HELLS: variants seen among roughly 807,000 people sequenced by gnomAD.
HELLS encodes the protein helicase, lymphoid specific, also known as lymphoid-specific helicase.
A neutral mutation model predicts 120.0 loss-of-function variants in HELLS; 32 were observed. That is an observed-to-expected ratio of 0.27 (90% confidence interval 0.20 to 0.36). HELLS has a LOEUF of 0.36. HELLS is among the 10% of genes least tolerant of loss of function. HELLS has a pLI of 1.00. For synonymous variants in HELLS, 341 were observed against 323.4 expected (o/e 1.05, Z -0.58); for missense variants, 650 against 993.4 (o/e 0.65, Z 4.65).
chr10:94,572,833 T>G (rs1844244875), intron 7 of HELLS, among the ~76,000 whole-genome samples: 1 of 152,242 alleles, frequency 6.6e-6, no homozygotes, highest in South Asian at 2.1e-4. Context: ...CAGCATTTGA[T>G]AGTCTTTTTA....
chr10:94,576,758 G>A lies in HELLS; in HGVS notation c.985G>A (p.Val329Ile). 3 of 1,611,312 alleles carry A rather than the reference G, an allele frequency of 1.9e-6. No individual in the cohort carries two copies. Among genetic ancestry groups the A allele is most frequent in the Non-Finnish European group, 1.7e-6 (2 of 1,178,588 alleles). ...AGGGACTTTGCAGATTCATCCTGTG[G>A]TAATCACGTCATTTGAAATAGCCAT... ...RKGTLQIHPV[V>I]ITSFEIAMRD... The change falls in exon 10 of 22, where the codon GTA becomes ATA. Residue 329 changes from valine (V) to isoleucine (I), a missense_variant. Coordinates refer to ENST00000348459, the MANE Select transcript of HELLS (RefSeq NM_018063.5).
At chr10:94,588,503 G>A in intron 13 of HELLS, 113 bp downstream of exon 13, 2 of 676,790 alleles carry the variant, frequency 3.0e-6, no homozygotes, top group Admixed American at 3.2e-5. Flanking sequence ...TGGTGCAGTG[G>A]CACAATCACT....
Position 94,581,546 on chromosome 10 carries a change from A to G in HELLS, c.1229+24A>G, listed in dbSNP as rs753785840. 11 of 1,510,212 alleles carry G rather than the reference A, an allele frequency of 7.3e-6. No homozygotes were observed. The East Asian group carries it at 1.4e-4, about 19-fold the overall frequency. 93.6% of individuals were successfully genotyped at this position (1,510,212 alleles called of 1,614,324 possible). A position where few individuals can be genotyped will look rare whatever the true frequency, so the allele number is the denominator to read the frequency against. On this transcript the variant is annotated intron_variant, in intron 11 of 21. Transcript: ENST00000348459. ...AGGTGGGTAAGCCAGTTATTTAATG[A>G]TTTAACCTCAAAAATCTGTGCTGTT...
rs529889268 is a variant in HELLS, at chr10:94,553,877, C to T, written c.154-249C>T. On this transcript the variant is annotated intron_variant, in intron 2 of 21. Coordinates refer to ENST00000348459, the MANE Select transcript of HELLS (RefSeq NM_018063.5). Reference sequence around the variant, plus strand: ...ATTGTTTTTTAAATGGACCTTCCAACTCAGTAGTGCCAGAAACCATGTGTT... The same window carrying T: ...ATTGTTTTTTAAATGGACCTTCCAATTCAGTAGTGCCAGAAACCATGTGTT... Among the ~76,000 whole-genome samples the T allele has an allele frequency of 5.3e-5, 8 of 152,218 alleles. No homozygotes were observed. The South Asian group carries it at 1.7e-3, about 32-fold the overall frequency.
rs1846038824 is a variant in HELLS, at chr10:94,601,684, G to A, written c.*62G>A. 1 of 835,750 alleles carries A rather than the reference G, an allele frequency of 1.2e-6. No homozygotes were observed. Among genetic ancestry groups the A allele is most frequent in the Non-Finnish European group, 1.9e-6 (1 of 515,772 alleles). The allele number at this position is 835,750 out of a possible 1,614,324, so 51.8% of individuals were successfully genotyped here. A position where few individuals can be genotyped will look rare whatever the true frequency, so the allele number is the denominator to read the frequency against. On this transcript the variant is annotated 3_prime_UTR_variant, in exon 22 of 22. Transcript: ENST00000348459. ...TACATCTAGTGATTTCCCTGTATTGGGTTTGAAATACTGATTGTCCACTTC... is the reference window on the plus strand; with the variant it reads ...TACATCTAGTGATTTCCCTGTATTGAGTTTGAAATACTGATTGTCCACTTC...
chr10:94,597,006 C>T (rs369597228), intron 20 of HELLS, 29 bp from the exon 21 acceptor site: 5 of 1,470,730 alleles, frequency 3.4e-6, no homozygotes, highest in Non-Finnish European at 4.7e-6. Flanking sequence ...GAATTATTCA[C>T]ATAGACTTGA....
At chr10:94,555,989 T>C (rs566214936) in intron 3 of HELLS, among the ~76,000 whole-genome samples, 2 of 152,328 alleles carry the variant, frequency 1.3e-5, no homozygotes, top group East Asian at 1.9e-4. Flanking sequence ...TAAGCTCCTC[T>C]AGCAAATTAG....
intron 6 of HELLS, 106 bp from the exon 7 acceptor site, chr10:94,571,282 C>T (rs1844145758): frequency 1.1e-6 from 1 of 886,442 alleles, no homozygotes; most frequent in Admixed American, 2.9e-5. Flanking sequence ...TTGAGAATCT[C>T]ATCCTCATTT....
Position 94,588,372 on chromosome 10 carries a change from C to G in HELLS, c.1470C>G (p.Asn490Lys). ...CCATTGTGAACCGTACAATTGCAAA[C>G]ATGTTTGGATCCAGTGAGGTATAGT... ...YTAIVNRTIA[N>K]MFGSSEKETI... Residue 490 changes from asparagine (N) to lysine (K), a missense_variant, in exon 13 of 22, where the codon AAC becomes AAG. Transcript: ENST00000348459. The G allele has an allele frequency of 1.2e-6, 2 of 1,604,176 alleles. No homozygotes were observed. Among genetic ancestry groups the G allele is most frequent in the Non-Finnish European group, 1.7e-6 (2 of 1,175,670 alleles).
intron 3 of HELLS, among the ~76,000 whole-genome samples, chr10:94,555,234 C>G (rs746492638): frequency 2.6e-5 from 4 of 152,050 alleles, no homozygotes; most frequent in Non-Finnish European, 4.4e-5. Context: ...CCCAGGAGTT[C>G]GACACCAGCC....
At chr10:94,558,325 G>T in intron 4 of HELLS, 130 bp downstream of exon 4, 1 of 1,124,300 alleles carries the variant, frequency 8.9e-7, no homozygotes, top group Non-Finnish European at 1.2e-6. Flanking sequence ...TTTGTTACAA[G>T]CAATGCAGAA....
At chr10:94,566,469 G>T (rs1158137913) in intron 6 of HELLS, among the ~76,000 whole-genome samples, 1 of 152,056 alleles carries the variant, frequency 6.6e-6, no homozygotes, top group Non-Finnish European at 1.5e-5. Context: ...TTGTATATAA[G>T]TGAAAAGAGT....
At chr10:94,581,972 G>GT (rs1418422030) in intron 11 of HELLS, among the ~76,000 whole-genome samples, 1 of 152,128 alleles carries the variant, frequency 6.6e-6, no homozygotes, top group Non-Finnish European at 1.5e-5. Flanking sequence ...TGTAAACACA[G>GT]TGTTTTAATT....
Position 94,590,452 on chromosome 10 carries a change from C to G in HELLS, c.1528C>G (p.Arg510Gly). 1.2e-6 allele frequency: 2 copies of G among 1,609,754 alleles called. No homozygotes were observed. The highest frequency in any genetic ancestry group is 1.7e-6 in the Non-Finnish European group (2 of 1,179,120). ...IELSPTGRPK[R>G]RTRKSINYSK... ...GTTAAGTCCTACTGGTCGACCAAAA[C>G]GACGAACTAGAAAATCAATAAATTA... The change falls in exon 14 of 22, where the codon CGA (arginine) becomes GGA (glycine). Residue 510 changes from arginine to glycine, a missense_variant. By Grantham distance (125) the Arg-to-Gly change is moderately radical. Around this residue, in one of 9 missense-constraint regions of HELLS, gnomAD observed 191 missense variants for 259.7 expected, o/e 0.74. Transcript: ENST00000348459.
At chr10:94,602,677 A>G (rs547825523), downstream of HELLS, among the ~76,000 whole-genome samples, 4 of 152,228 alleles carry the variant, frequency 2.6e-5, no homozygotes, top group Admixed American at 6.5e-5. Flanking sequence ...CCTGTGTCCT[A>G]TTGGCACAGG....
chr10:94,612,494 C>G (rs1057136627), exon 10 of HELLS: 1 of 152,144 alleles, frequency 6.6e-6, no homozygotes, highest in African/African-American at 2.4e-5. Context: ...TTTACAGAAG[C>G]TATATAATGT....
At chr10:94,568,067 G>A (rs375433643) in intron 6 of HELLS, among the ~76,000 whole-genome samples, 71 of 152,058 alleles carry the variant, frequency 4.7e-4, no homozygotes, top group African/African-American at 1.7e-3. Context: ...ACGTCACCAC[G>A]CCCAGCTAAT....
chr10:94,577,136 C>A, intron 10 of HELLS: 1 of 436,776 alleles, frequency 2.3e-6, no homozygotes, highest in Non-Finnish European at 4.4e-6. Context: ...GTATTTTAAT[C>A]AAATAAGAGT....
chr10:94,573,022 C>G (rs1256907886), intron 7 of HELLS, among the ~76,000 whole-genome samples: 1 of 151,656 alleles, frequency 6.6e-6, no homozygotes. Context: ...TGCAATGGCA[C>G]GATCTCGGCT....
Sources: gnomAD v4.1 joint callset for allele counts (sites outside exome capture counted in the v4.1 genomes callset) on GRCh38, gnomAD v4.1.1 for gene constraint, gnomAD v4.1.1 regional missense constraint, MANE v1.5 for transcripts, NCBI Gene and HGNC (gene_info 2026-07-23, HGNC 2026-07-21) for gene names.